The following ZBTB8OS variants were observed in gnomAD, a reference collection of about 807,000 sequenced individuals.
ZBTB8OS encodes the protein tRNA splicing ligase complex subunit 1.
In ZBTB8OS, 16 loss-of-function variants were observed where a neutral mutation model predicts 29.3. That is an observed-to-expected ratio of 0.55 (90% CI 0.37 to 0.83). ZBTB8OS has a LOEUF of 0.83. Ranked by LOEUF, ZBTB8OS falls within the 40% of genes least tolerant of loss-of-function variation. The probability of loss-of-function intolerance (pLI) is 0.00; values close to 1 mark genes in which losing one functional copy is unlikely to be tolerated. For synonymous variants in ZBTB8OS, 70 were observed against 64.6 expected (o/e 1.08, Z -0.40); for missense variants, 160 against 196.9 (o/e 0.81, Z 1.12).
In ZBTB8OS at chr1:32,634,017, T is replaced by C. The variant is rs1645765239; in HGVS notation, c.178A>G (p.Met60Val). The change falls in exon 3 of 7, where the codon ATG becomes GTG. Residue 60 changes from methionine (M) to valine (V), a missense_variant. Transcript: ENST00000468695. ...CCAGTATCTGTCATGTAACCAAACA[T>C]GGCCATTGCACATTGCTCAAATGCT... is the stretch of plus-strand genomic sequence containing the variant. ...EEAFEQCAMA[M>V]FGYMTDTGTV... 1 of 1,602,068 alleles carries C rather than the reference T, an allele frequency of 6.2e-7. No homozygotes were observed. Among genetic ancestry groups the C allele is most frequent in the East Asian group, 2.2e-5 (1 of 44,776 alleles).
chr1:32,623,568 G>C (rs559206299), intron 6 of ZBTB8OS, among the ~76,000 whole-genome samples: 1 of 152,200 alleles, frequency 6.6e-6, no homozygotes, highest in Admixed American at 6.5e-5. Context: ...TGAATGGCTT[G>C]TCCCTGGCTC....
At chr1:32,647,476 A>C (rs2148480828) in intron 1 of ZBTB8OS, among the ~76,000 whole-genome samples, 1 of 151,624 alleles carries the variant, frequency 6.6e-6, no homozygotes, top group East Asian at 1.9e-4. Context: ...GGGTCAATGC[A>C]GGGGGTCCCC....
At chr1:32,625,211 A>G (rs1645027591) in intron 6 of ZBTB8OS, among the ~76,000 whole-genome samples, 1 of 146,400 alleles carries the variant, frequency 6.8e-6, no homozygotes, top group African/African-American at 2.7e-5. Context: ...TGACAGGGTG[A>G]GACTGTCTCA....
At chr1:32,630,246 G>T (rs565863646) in intron 5 of ZBTB8OS, among the ~76,000 whole-genome samples, 1 of 152,212 alleles carries the variant, frequency 6.6e-6, no homozygotes, top group South Asian at 2.1e-4. Flanking sequence ...GCTGAGATTA[G>T]CCAGGCATGG....
intron 1 of ZBTB8OS, 110 bp downstream of exon 1, chr1:32,650,323 T>C (rs1331642687): frequency 4.9e-6 from 7 of 1,424,008 alleles, no homozygotes; most frequent in African/African-American, 1.4e-5. Flanking sequence ...AATGGGATCA[T>C]GCCTGAAGTA....
chr1:32,644,001 A>G lies in ZBTB8OS; in HGVS notation c.97+6432T>C, dbSNP rs183066340. 3.5e-3 allele frequency among the ~76,000 whole-genome samples: 525 copies of G among 152,094 alleles called. 5 individuals are homozygous for G. Among genetic ancestry groups the G allele is most frequent in the African/African-American group, 0.012 (508 of 41,492 alleles). On this transcript the variant is annotated intron_variant, in intron 1 of 6. Transcript: ENST00000468695. ...CGACCTAGAGACGGCTAATGCTCAA[A>G]ATTCTCTCGGCCCCAAGGAAGGGGC...
At chr1:32,648,693 C>G (rs1443394775) in intron 1 of ZBTB8OS, among the ~76,000 whole-genome samples, 1 of 152,176 alleles carries the variant, frequency 6.6e-6, no homozygotes, top group African/African-American at 2.4e-5. Context: ...GAGTCTGGCT[C>G]TGTCGCCCAG....
At chr1:32,647,582 C>CCCATTGCTAACATTACTGCCTGAGCT in intron 1 of ZBTB8OS, among the ~76,000 whole-genome samples, 1 of 152,268 alleles carries the variant, frequency 6.6e-6, no homozygotes, top group African/African-American at 2.4e-5. Flanking sequence ...ACAACAGCTC[C>CCCATTGCTAACATTACTGCCTGAGCT]CCATTGCTAA....
chr1:32,627,137 G>A (rs1033134177), intron 6 of ZBTB8OS, among the ~76,000 whole-genome samples: 1 of 152,110 alleles, frequency 6.6e-6, no homozygotes, highest in African/African-American at 2.4e-5. Flanking sequence ...TCCTACCATA[G>A]AGTGAGGCCA....
At chr1:32,640,031 T>C (rs975903569) in intron 1 of ZBTB8OS, 1 of 152,212 alleles carries the variant, frequency 6.6e-6, no homozygotes, top group Admixed American at 6.6e-5. Flanking sequence ...CCACTCCCAC[T>C]GCTTTACTTA....
At chr1:32,650,125 C>T (rs536345059) in intron 1 of ZBTB8OS, among the ~76,000 whole-genome samples, 1 of 152,276 alleles carries the variant, frequency 6.6e-6, no homozygotes, top group African/African-American at 2.4e-5. Flanking sequence ...ATGGGGGTAA[C>T]AACCCTGCAA....
At position 32,621,196 on chromosome 1, in the gene ZBTB8OS, C is replaced by T. The variant is rs537993059; in HGVS notation, c.*666G>A. On this transcript the variant is annotated 3_prime_UTR_variant, in exon 7 of 7. Coordinates refer to ENST00000468695, the MANE Select transcript of ZBTB8OS (RefSeq NM_178547.5). Reference sequence around the variant, plus strand: ...TGGGCGGATCACAAGGTCAGGAGATCAAGACCATCCTAGCTAACACAGTGA... The same window carrying T: ...TGGGCGGATCACAAGGTCAGGAGATTAAGACCATCCTAGCTAACACAGTGA... 22 of 152,168 alleles carry T rather than the reference C, an allele frequency of 1.4e-4. No homozygotes were observed. Among genetic ancestry groups the T allele is most frequent in the African/African-American group, 5.1e-4 (21 of 41,510 alleles). The allele number at this position is 152,168 out of a possible 1,614,324, so 9.4% of individuals were successfully genotyped here. A position where few individuals can be genotyped will look rare whatever the true frequency, so the allele number is the denominator to read the frequency against.
intron 1 of ZBTB8OS, among the ~76,000 whole-genome samples, chr1:32,643,390 T>C (rs113991888): frequency 0.095 from 869 of 9,142 alleles, 10 homozygotes; most frequent in African/African-American, 0.099. Flanking sequence ...TTTGTTTTAG[T>C]TTTTGGTTTT....
At chr1:32,647,751 C>G (rs1646966559) in intron 1 of ZBTB8OS, among the ~76,000 whole-genome samples, 1 of 152,130 alleles carries the variant, frequency 6.6e-6, no homozygotes, top group African/African-American at 2.4e-5. Context: ...ATGGGACCAT[C>G]TAGTTACAAG....
chr1:32,650,809 G>T, upstream of ZBTB8OS: 1 of 531,532 alleles, frequency 1.9e-6, no homozygotes, highest in South Asian at 2.6e-5. Context: ...GTCTGGGTCT[G>T]ACTGGCGAGG....
intron 1 of ZBTB8OS, among the ~76,000 whole-genome samples, chr1:32,639,399 T>A (rs1391808413): frequency 6.6e-6 from 1 of 152,028 alleles, no homozygotes; most frequent in African/African-American, 2.4e-5. Context: ...TATATCCTAG[T>A]ATTCCTGGGC....
At chr1:32,624,324 C>T (rs1202905605) in intron 6 of ZBTB8OS, among the ~76,000 whole-genome samples, 2 of 152,172 alleles carry the variant, frequency 1.3e-5, no homozygotes, top group African/African-American at 4.8e-5. Context: ...GTTTGTCTGG[C>T]TCACTTCTCC....
intron 1 of ZBTB8OS, among the ~76,000 whole-genome samples, chr1:32,647,082 G>C (rs1325219594): frequency 1.5e-5 from 2 of 129,436 alleles, no homozygotes; most frequent in South Asian, 2.5e-4. Flanking sequence ...AATGCCAGGC[G>C]TGGTGGCTTA....
chr1:32,650,586 G>A (rs1451122457), upstream of ZBTB8OS: 1 of 1,613,522 alleles, frequency 6.2e-7, no homozygotes, highest in African/African-American at 1.3e-5. Context: ...TCGGCCCGGA[G>A]TTACTACTTC....
Sources: gnomAD v4.1 joint callset for allele counts (sites outside exome capture counted in the v4.1 genomes callset) on GRCh38, gnomAD v4.1.1 for gene constraint, MANE v1.5 for transcripts, NCBI Gene and HGNC (gene_info 2026-07-23, HGNC 2026-07-21) for gene names.